FNIP2: variants seen among roughly 807,000 people sequenced by gnomAD.
The protein encoded by FNIP2 is folliculin interacting protein 2.
FNIP2 carries 32 observed loss-of-function variants against 108.7 expected under a neutral mutation model. The observed-to-expected ratio is 0.29, with a 90% CI of 0.22 to 0.40. The LOEUF (loss-of-function observed/expected upper bound fraction) is 0.40, where lower values mean the gene tolerates loss of function less well. FNIP2 is among the 10% of genes least tolerant of loss of function. The pLI, the probability that FNIP2 is intolerant of heterozygous loss-of-function variation, is 1.00. For synonymous variants in FNIP2, 480 were observed against 496.7 expected, an observed-to-expected ratio of 0.97 and a Z score of 0.45; for missense variants, 1,202 against 1,381.6, an observed-to-expected ratio of 0.87 and a Z score of 2.06.
chr4:158,880,588 A>G (rs746882498), intron 14 of FNIP2, among the ~76,000 whole-genome samples: 2 of 152,244 alleles, frequency 1.3e-5, no homozygotes, highest in Non-Finnish European at 2.9e-5. Flanking sequence ...CTTAAAGTAT[A>G]ATAATAATAA....
At chr4:158,890,307 T>C (rs1357845833) in intron 14 of FNIP2, 1 of 985,030 alleles carries the variant, frequency 1.0e-6, no homozygotes, top group African/African-American at 1.7e-5. Context: ...GGGAAAAATA[T>C]AAACCCTATT....
chr4:158,901,302 A>C (rs1019255329), intron 16 of FNIP2, among the ~76,000 whole-genome samples: 1 of 151,920 alleles, frequency 6.6e-6, no homozygotes, highest in South Asian at 2.1e-4. Context: ...TTCTTTTAAG[A>C]ATGTTGAATA....
intron 1 of FNIP2, among the ~76,000 whole-genome samples, chr4:158,813,223 C>T (rs1028794957): frequency 6.6e-6 from 1 of 152,144 alleles, no homozygotes; most frequent in South Asian, 2.1e-4. Context: ...CAACAAGTCC[C>T]TTTGCTGGAT....
Position 158,895,885 on chromosome 4 carries a change from G to A in FNIP2, c.3266+20G>A, listed in dbSNP as rs1335942918. The A allele has an allele frequency of 1.4e-5, 22 of 1,542,280 alleles. No individual in the cohort carries two copies. The highest frequency in any genetic ancestry group is 3.4e-5 in the South Asian group (3 of 87,922). On this transcript the variant is annotated intron_variant, in intron 16 of 16. Coordinates refer to ENST00000264433, the MANE Select transcript of FNIP2 (RefSeq NM_020840.3). ...ACTGGGGTGAGTTCTGTGAAGTGCC[G>A]TCACTTGTCCCTTTGATAGGTATCC...
intron 1 of FNIP2, among the ~76,000 whole-genome samples, chr4:158,803,737 C>T (rs1302498833): frequency 1.3e-5 from 2 of 152,144 alleles, no homozygotes; most frequent in African/African-American, 4.8e-5. Flanking sequence ...AAAATCCTTT[C>T]TGTTAAGATA....
At chr4:158,840,686 G>A (rs574233556) in intron 7 of FNIP2, among the ~76,000 whole-genome samples, 4 of 152,244 alleles carry the variant, frequency 2.6e-5, no homozygotes, top group South Asian at 2.1e-4. Context: ...GTGAGCCACC[G>A]TGCCCAGCCA....
intron 1 of FNIP2, among the ~76,000 whole-genome samples, chr4:158,778,581 G>T (rs1032438593): frequency 2.0e-5 from 3 of 151,930 alleles, no homozygotes; most frequent in African/African-American, 7.3e-5. Context: ...GATCACGTTC[G>T]CATAACTATG....
chr4:158,821,173 T>G (rs971584923), intron 1 of FNIP2, among the ~76,000 whole-genome samples: 1 of 152,258 alleles, frequency 6.6e-6, no homozygotes, highest in Non-Finnish European at 1.5e-5. Context: ...AAAAAGAGTC[T>G]GTATAAGTCA....
chr4:158,789,639 A>C (rs1000135747), intron 1 of FNIP2, among the ~76,000 whole-genome samples: 13 of 152,196 alleles, frequency 8.5e-5, no homozygotes, highest in African/African-American at 2.7e-4. Context: ...GAATAAGATA[A>C]CACCCTGCCC....
intron 14 of FNIP2, among the ~76,000 whole-genome samples, chr4:158,888,093 A>G (rs749678419): frequency 6.6e-6 from 1 of 152,234 alleles, no homozygotes; most frequent in African/African-American, 2.4e-5. Context: ...ATCTCTTTCC[A>G]GCATTCATTT....
At chr4:158,822,777 G>T (rs954392717) in intron 1 of FNIP2, among the ~76,000 whole-genome samples, 5 of 152,164 alleles carry the variant, frequency 3.3e-5, no homozygotes, top group African/African-American at 1.2e-4. Flanking sequence ...TGGGATTACA[G>T]GTACGAGCCA....
chr4:158,885,650 C>A (rs762899122), intron 14 of FNIP2, among the ~76,000 whole-genome samples: 1 of 152,174 alleles, frequency 6.6e-6, no homozygotes, highest in Non-Finnish European at 1.5e-5. Context: ...CTATGCTACA[C>A]GTTTCAACAC....
rs1336364644 is a variant in FNIP2 at position 158,811,537 on chromosome 4, T to C, written c.108-14379T>C. On this transcript the variant is annotated intron_variant, in intron 1 of 16. Transcript: ENST00000264433. ...ACATCATTTCATCTCTCTGTTTTTG[T>C]TTTTTAAATAATATTAATTAATAAT... is the stretch of plus-strand genomic sequence containing the variant. Among the ~76,000 whole-genome samples the C allele has an allele frequency of 7.6e-5, 11 of 145,192 alleles. No homozygotes were observed. The Admixed American group carries it at 7.7e-4, about 10-fold the overall frequency.
At chr4:158,801,521 T>C (rs1030893889) in intron 1 of FNIP2, among the ~76,000 whole-genome samples, 2 of 152,210 alleles carry the variant, frequency 1.3e-5, no homozygotes, top group Non-Finnish European at 2.9e-5. Flanking sequence ...TGAGCAAGGA[T>C]GCCTGGATTT....
rs1480646291 is a variant in FNIP2 at position 158,769,188 on chromosome 4, C to A, written c.-25C>A. On this transcript the variant is annotated 5_prime_UTR_variant, in exon 1 of 17. Transcript: ENST00000264433. ...TGAGCCGCCGGCCCCCCGAGCGCCACGGCCGGAGCTGCGGCGGCGGCATCA... is the reference window on the plus strand; with the variant it reads ...TGAGCCGCCGGCCCCCCGAGCGCCAAGGCCGGAGCTGCGGCGGCGGCATCA... 2.4e-6 allele frequency: 3 copies of A among 1,273,286 alleles called. No homozygotes were observed. The East Asian group carries it at 1.3e-4, about 56-fold the overall frequency. 78.9% of individuals were successfully genotyped at this position (1,273,286 alleles called of 1,614,324 possible).
At chr4:158,815,037 A>T (rs1467569626) in intron 1 of FNIP2, among the ~76,000 whole-genome samples, 4 of 152,238 alleles carry the variant, frequency 2.6e-5, no homozygotes, top group African/African-American at 9.6e-5. Context: ...AAAAGGCACA[A>T]AATTGTGGTG....
chr4:158,817,663 C>T (rs1777652547), intron 1 of FNIP2, among the ~76,000 whole-genome samples: 2 of 152,336 alleles, frequency 1.3e-5, no homozygotes, highest in South Asian at 4.1e-4. Flanking sequence ...TCTTGTGTCT[C>T]AGCCTCCCCA....
chr4:158,858,964 G>C (rs1192612594), intron 8 of FNIP2, 93 bp from the exon 9 acceptor site: 34 of 986,560 alleles, frequency 3.4e-5, no homozygotes, highest in South Asian at 3.3e-4. Context: ...AGTTATGACT[G>C]AATGTTCTGG....
intron 7 of FNIP2, among the ~76,000 whole-genome samples, chr4:158,840,946 C>T (rs1453326944): frequency 2.0e-5 from 3 of 152,130 alleles, no homozygotes; most frequent in African/African-American, 7.2e-5. Flanking sequence ...TACTTTTAAA[C>T]ATTTTTATTT....
Sources: allele counts gnomAD v4.1 joint callset (sites outside exome capture counted in the v4.1 genomes callset), GRCh38; gene constraint gnomAD v4.1.1; transcripts MANE v1.5; gene names NCBI Gene and HGNC (gene_info 2026-07-23, HGNC 2026-07-21).